The following CNTNAP2 variants were observed in gnomAD, a reference collection of about 807,000 sequenced individuals.
The protein encoded by CNTNAP2 is contactin associated protein 2, also known as contactin-associated protein-like 2.
A neutral mutation model predicts 155.2 loss-of-function variants in CNTNAP2; 98 were observed. That is an observed-to-expected ratio of 0.63 (90% confidence interval 0.54 to 0.75). The LOEUF (loss-of-function observed/expected upper bound fraction) is 0.75, where lower values mean the gene tolerates loss of function less well. Ranked by LOEUF, CNTNAP2 falls within the 30% of genes least tolerant of loss-of-function variation. The probability of loss-of-function intolerance (pLI) is 0.00; values close to 1 mark genes in which losing one functional copy is unlikely to be tolerated. For missense variants in CNTNAP2, 1,727 were observed against 1,688.1 expected, an observed-to-expected ratio of 1.02 and a Z score of -0.40; for synonymous variants, 651 against 631.2, an observed-to-expected ratio of 1.03 and a Z score of -0.47.
At chr7:146,649,129 T>A (rs1344965805) in intron 1 of CNTNAP2, among the ~76,000 whole-genome samples, 1 of 152,114 alleles carries the variant, frequency 6.6e-6, no homozygotes, top group African/African-American at 2.4e-5. Context: ...AGATGAATAT[T>A]CTATGGTTTT....
intron 15 of CNTNAP2, among the ~76,000 whole-genome samples, chr7:148,036,343 G>T (rs975892287): frequency 3.3e-5 from 5 of 152,176 alleles, no homozygotes; most frequent in Admixed American, 6.5e-5. Flanking sequence ...CCCTAATTCA[G>T]CAGTGTTGGG....
At chr7:148,299,074 T>C (rs1797334838) in intron 21 of CNTNAP2, among the ~76,000 whole-genome samples, 1 of 151,658 alleles carries the variant, frequency 6.6e-6, no homozygotes, top group Non-Finnish European at 1.5e-5. Flanking sequence ...CACCACAATC[T>C]CTGCCTCCCA....
At chr7:147,883,814 C>G (rs771856113) in intron 13 of CNTNAP2, among the ~76,000 whole-genome samples, 1 of 152,152 alleles carries the variant, frequency 6.6e-6, no homozygotes, top group East Asian at 1.9e-4. Context: ...GACTTGAATT[C>G]GTGCATCTGA....
intron 11 of CNTNAP2, among the ~76,000 whole-genome samples, chr7:147,557,005 T>C (rs112071563): frequency 0.033 from 4,946 of 152,020 alleles, 115 homozygotes; most frequent in African/African-American, 0.053. Flanking sequence ...CCCAGCACTT[T>C]GGGAGGCTGA....
chr7:147,775,356 T>A (rs1797562866), intron 13 of CNTNAP2, among the ~76,000 whole-genome samples: 1 of 49,586 alleles, frequency 2.0e-5, no homozygotes, highest in Non-Finnish European at 3.3e-5. Context: ...TATTTATATA[T>A]ATTTATAAAT....
intron 13 of CNTNAP2, among the ~76,000 whole-genome samples, chr7:147,672,292 A>G (rs1189826998): frequency 1.3e-5 from 2 of 152,226 alleles, no homozygotes; most frequent in Admixed American, 6.5e-5. Flanking sequence ...ATACCATGTT[A>G]AACTTTCTAA....
chr7:146,896,663 AC>A (rs968353709), intron 3 of CNTNAP2, among the ~76,000 whole-genome samples: 1 of 152,072 alleles, frequency 6.6e-6, no homozygotes, highest in African/African-American at 2.4e-5. Flanking sequence ...ACCCACAATT[AC>A]TTTTGCACCG....
chr7:146,156,868 C>G (rs1798134551), intron 1 of CNTNAP2, among the ~76,000 whole-genome samples: 1 of 152,130 alleles, frequency 6.6e-6, no homozygotes, highest in Non-Finnish European at 1.5e-5. Context: ...CCCAAAAGTT[C>G]TGGGATTACA....
intron 1 of CNTNAP2, among the ~76,000 whole-genome samples, chr7:146,225,544 T>C (rs936755184): frequency 6.6e-6 from 1 of 152,078 alleles, no homozygotes; most frequent in Admixed American, 6.6e-5. Context: ...GCAGAAACTG[T>C]GTATCTAAGC....
chr7:146,179,875 T>A (rs1461340780), intron 1 of CNTNAP2, among the ~76,000 whole-genome samples: 1 of 152,220 alleles, frequency 6.6e-6, no homozygotes, highest in Non-Finnish European at 1.5e-5. Context: ...AAAAATATTT[T>A]TATGGCAACG....
intron 17 of CNTNAP2, among the ~76,000 whole-genome samples, chr7:148,150,324 G>A (rs994727869): frequency 1.2e-4 from 18 of 151,954 alleles, no homozygotes; most frequent in Admixed American, 4.6e-4. Context: ...TGAGGCAGGC[G>A]GATCACGAGG....
rs34699998 is a variant in CNTNAP2, at chr7:147,047,105, C to CTT, written c.550+3071_550+3072dup. Among the ~76,000 whole-genome samples the CTT allele has an allele frequency of 7.7e-3, 770 of 99,802 alleles. 19 individuals are homozygous for CTT. Among genetic ancestry groups the CTT allele is most frequent in the African/African-American group, 0.013 (354 of 27,138 alleles). 65.5% of individuals were successfully genotyped at this position (99,802 alleles called of 152,430 possible). A position where few individuals can be genotyped will look rare whatever the true frequency, so the allele number is the denominator to read the frequency against. On this transcript the variant is annotated intron_variant, in intron 4 of 23. Coordinates refer to ENST00000361727, the MANE Select transcript of CNTNAP2 (RefSeq NM_014141.6). Reference sequence around the variant, plus strand: ...GTCTCATTTTAGTTAAGTTATGTTTCTTTTTTTTTTTTTTTTTTTTTGAGA... The same window carrying CTT: ...GTCTCATTTTAGTTAAGTTATGTTTCTTTTTTTTTTTTTTTTTTTTTTTGAGA...
At chr7:147,864,261 G>C (rs1584998521) in intron 13 of CNTNAP2, among the ~76,000 whole-genome samples, 1 of 152,244 alleles carries the variant, frequency 6.6e-6, no homozygotes, top group East Asian at 1.9e-4. Flanking sequence ...TATTTCTGAT[G>C]CCTCTGTTCT....
At chr7:147,702,678 A>T (rs1452778429) in intron 13 of CNTNAP2, among the ~76,000 whole-genome samples, 1 of 151,884 alleles carries the variant, frequency 6.6e-6, no homozygotes, top group Non-Finnish European at 1.5e-5. Context: ...TTAATTGGTG[A>T]TCTGAAAAAA....
At chr7:148,402,565 G>A (rs1253092922) in intron 22 of CNTNAP2, among the ~76,000 whole-genome samples, 3 of 151,990 alleles carry the variant, frequency 2.0e-5, no homozygotes, top group African/African-American at 7.2e-5. Flanking sequence ...ATAGTGAATG[G>A]CTAAAAACAT....
intron 13 of CNTNAP2, among the ~76,000 whole-genome samples, chr7:147,814,429 T>C (rs1416582971): frequency 6.6e-6 from 1 of 152,212 alleles, no homozygotes; most frequent in Admixed American, 6.5e-5. Flanking sequence ...TTTGGCATTA[T>C]TCCTTCAACA....
intron 1 of CNTNAP2, among the ~76,000 whole-genome samples, chr7:146,719,768 A>G (rs926496133): frequency 1.3e-5 from 2 of 152,058 alleles, no homozygotes; most frequent in African/African-American, 4.8e-5. Context: ...TTTTAAGGAA[A>G]GGTAACCTTT....
At chr7:146,558,579 T>A (rs1248784311) in intron 1 of CNTNAP2, among the ~76,000 whole-genome samples, 1 of 152,118 alleles carries the variant, frequency 6.6e-6, no homozygotes, top group Non-Finnish European at 1.5e-5. Context: ...TTTATTTATT[T>A]ATTATTATTA....
intron 1 of CNTNAP2, among the ~76,000 whole-genome samples, chr7:146,153,338 C>A (rs73452047): frequency 0.018 from 2,808 of 152,226 alleles, 79 homozygotes; most frequent in African/African-American, 0.062. Context: ...TTAGTATGAA[C>A]TGATACTCAC....
Sources: allele counts gnomAD v4.1 joint callset (sites outside exome capture counted in the v4.1 genomes callset), GRCh38; gene constraint gnomAD v4.1.1; transcripts MANE v1.5; gene names NCBI Gene and HGNC (gene_info 2026-07-23, HGNC 2026-07-21).